The following UNC13C variants were observed in gnomAD, a reference collection of about 807,000 sequenced individuals.
UNC13C encodes the protein unc-13 homolog C.
A neutral mutation model predicts 245.4 loss-of-function variants in UNC13C; 174 were observed. The observed-to-expected ratio is 0.71, with a 90% CI of 0.63 to 0.80. The LOEUF is 0.80. Among genes scored for constraint, UNC13C ranks in the 30% least tolerant of loss-of-function variants. UNC13C has a pLI of 0.00. For missense variants in UNC13C, 2,829 were observed against 2,602.9 expected, an observed-to-expected ratio of 1.09 and a Z score of -1.89; for synonymous variants, 992 against 895.1, an observed-to-expected ratio of 1.11 and a Z score of -1.93.
chr15:54,065,035 G>A (rs1282693380), intron 2 of UNC13C, among the ~76,000 whole-genome samples: 1 of 152,160 alleles, frequency 6.6e-6, no homozygotes, highest in African/African-American at 2.4e-5. Flanking sequence ...TGGTATCCTT[G>A]GAATTCTGAG....
the UNC13C span, among the ~76,000 whole-genome samples, chr15:53,964,806 A>G: frequency 6.6e-6 from 1 of 152,156 alleles, no homozygotes; most frequent in African/African-American, 2.4e-5. Flanking sequence ...ACACAAGACA[A>G]TTTAGAATCT....
At chr15:54,168,680 G>A (rs185906908) in intron 4 of UNC13C, among the ~76,000 whole-genome samples, 8 of 152,122 alleles carry the variant, frequency 5.3e-5, no homozygotes, top group South Asian at 2.1e-4. Flanking sequence ...AACACAACGC[G>A]TCTGTTAAAT....
rs77309210 is a variant in UNC13C, at chr15:54,580,616, G to A, written c.6106+12669G>A. On this transcript the variant is annotated intron_variant, in intron 30 of 32. Coordinates refer to ENST00000260323, the MANE Select transcript of UNC13C (RefSeq NM_001080534.3). The stretch of plus-strand genomic sequence containing the variant: ...AGCATAATAATTCATACCGTGTGGA[G>A]TTGCTGGGAGAACTACAAGTGATAA... Among the ~76,000 whole-genome samples the A allele has an allele frequency of 8.8e-3, 1,329 of 151,796 alleles. 15 individuals carry two copies. The highest frequency in any genetic ancestry group is 0.031 in the African/African-American group (1,254 of 41,054).
In UNC13C at chr15:54,150,530, G is replaced by A. The variant is rs8038718; in HGVS notation, c.3071+6846G>A. On this transcript the variant is annotated intron_variant, in intron 4 of 32. Transcript: ENST00000260323. ...TAGGAAAACTGTTAACCACAAGGCC[G>A]CCAACTTTCTAAAACCCATGAATCA... Among the ~76,000 whole-genome samples the A allele has an allele frequency of 4.6e-3, 700 of 152,286 alleles. 40 individuals are homozygous for A. In the East Asian group the frequency reaches 0.086, roughly 19 times the overall value.
chr15:54,031,781 AGCTTTGATATG>A (rs1290634625), intron 2 of UNC13C, among the ~76,000 whole-genome samples: 3 of 152,220 alleles, frequency 2.0e-5, no homozygotes, highest in Non-Finnish European at 4.4e-5. Flanking sequence ...AATACAATAA[AGCTTTGATATG>A]GCTGCATAAA....
chr15:54,126,369 C>A (rs74494938), intron 2 of UNC13C, among the ~76,000 whole-genome samples: 9 of 152,178 alleles, frequency 5.9e-5, no homozygotes, highest in African/African-American at 2.2e-4. Flanking sequence ...GCAAAGAAAA[C>A]TAACAAAGAG....
At position 54,497,134 on chromosome 15, in the gene UNC13C, C is replaced by T. The variant is rs563278267; in HGVS notation, c.5060+2400C>T. Among the ~76,000 whole-genome samples the T allele has an allele frequency of 1.8e-4, 27 of 152,088 alleles. No homozygotes were observed. The South Asian group carries it at 4.4e-3, about 25-fold the overall frequency. On this transcript the variant is annotated intron_variant, in intron 20 of 32. Transcript: ENST00000260323. ...CTTCTGGCTCTGTCTAGACACTCTA[C>T]GCTAAACTAAAATCAGACTAATATT...
intron 19 of UNC13C, among the ~76,000 whole-genome samples, chr15:54,490,113 A>C (rs996443542): frequency 6.6e-6 from 1 of 152,296 alleles, no homozygotes; most frequent in East Asian, 1.9e-4. Flanking sequence ...TGGGTTTAGA[A>C]GCAACTTTGT....
At position 54,015,466 on chromosome 15, in the gene UNC13C, G is replaced by GAGCC; in HGVS notation, c.2564_2567dup (p.Tyr857AlafsTer5). 1 of 1,613,518 alleles carries GAGCC rather than the reference G, an allele frequency of 6.2e-7. No individual in the cohort carries two copies. The highest frequency in any genetic ancestry group is 8.5e-7 in the Non-Finnish European group (1 of 1,179,724). On this transcript the variant is annotated frameshift_variant, in exon 2 of 33. Coordinates refer to ENST00000260323, the MANE Select transcript of UNC13C (RefSeq NM_001080534.3). LOFTEE classifies it high-confidence loss of function. ...CACACTTGACTCTGATGTCTACACGGAGCCCTATTACTATAAAGCAGAGGA... is the reference window on the plus strand; with the variant it reads ...CACACTTGACTCTGATGTCTACACGGAGCCAGCCCTATTACTATAAAGCAGAGGA...
chr15:54,284,910 A>G (rs1193197115), intron 10 of UNC13C, among the ~76,000 whole-genome samples: 3 of 152,100 alleles, frequency 2.0e-5, no homozygotes, highest in African/African-American at 7.2e-5. Flanking sequence ...CTGCAACTTT[A>G]TCTGCGGAGA....
At chr15:54,089,067 C>T (rs899815764) in intron 2 of UNC13C, among the ~76,000 whole-genome samples, 1 of 152,152 alleles carries the variant, frequency 6.6e-6, no homozygotes, top group Admixed American at 6.5e-5. Flanking sequence ...GTCCCTTTTC[C>T]ACCCTTCTCC....
the UNC13C span, among the ~76,000 whole-genome samples, chr15:53,843,707 A>G: frequency 1.3e-5 from 2 of 152,140 alleles, no homozygotes; most frequent in Non-Finnish European, 2.9e-5. Context: ...TCAAAGGAGT[A>G]AAAGAAACAT....
At chr15:54,234,459 C>T (rs1481551485) in intron 4 of UNC13C, among the ~76,000 whole-genome samples, 1 of 152,054 alleles carries the variant, frequency 6.6e-6, no homozygotes, top group Non-Finnish European at 1.5e-5. Flanking sequence ...CAATAAACAT[C>T]GTTCTACAAC....
At chr15:54,339,541 C>T (rs943152942) in intron 17 of UNC13C, among the ~76,000 whole-genome samples, 4 of 152,060 alleles carry the variant, frequency 2.6e-5, no homozygotes, top group African/African-American at 7.2e-5. Flanking sequence ...TCCTGAATTA[C>T]TTCACTTAGA....
At chr15:54,424,255 G>C (rs1813277098) in intron 19 of UNC13C, among the ~76,000 whole-genome samples, 1 of 151,802 alleles carries the variant, frequency 6.6e-6, no homozygotes, top group African/African-American at 2.4e-5. Flanking sequence ...AAAAAAATCT[G>C]TGACTTTGTT....
At chr15:54,051,993 T>A (rs1293787921) in intron 2 of UNC13C, among the ~76,000 whole-genome samples, 1 of 129,808 alleles carries the variant, frequency 7.7e-6, no homozygotes, top group Non-Finnish European at 1.6e-5. Context: ...TTCCCACCTA[T>A]GAGTGAGAAT....
chr15:54,352,845 T>C (rs913543087), intron 17 of UNC13C, among the ~76,000 whole-genome samples: 1 of 152,150 alleles, frequency 6.6e-6, no homozygotes, highest in African/African-American at 2.4e-5. Flanking sequence ...TGGCTCTCTA[T>C]AGAGGTGTTC....
intron 19 of UNC13C, among the ~76,000 whole-genome samples, chr15:54,478,261 C>A (rs1423075624): frequency 7.0e-6 from 1 of 141,908 alleles, no homozygotes; most frequent in Non-Finnish European, 1.5e-5. Context: ...AAAAAACCAG[C>A]TCCTGGATTC....
At chr15:54,271,657 C>A (rs752023251) in intron 10 of UNC13C, among the ~76,000 whole-genome samples, 99 of 152,110 alleles carry the variant, frequency 6.5e-4, no homozygotes, top group Non-Finnish European at 1.3e-3. Flanking sequence ...TGCTGACTCC[C>A]TGCAAGAGTT....
Sources: allele counts gnomAD v4.1 joint callset (sites outside exome capture counted in the v4.1 genomes callset), GRCh38; gene constraint gnomAD v4.1.1; transcripts MANE v1.5; gene names NCBI Gene and HGNC (gene_info 2026-07-23, HGNC 2026-07-21).